The following MYO5C variants were observed in gnomAD, a reference collection of about 807,000 sequenced individuals.
MYO5C encodes unconventional myosin-Vc.
A neutral mutation model predicts 235.7 loss-of-function variants in MYO5C; 194 were observed. The observed-to-expected ratio is 0.82, with a 90% CI of 0.73 to 0.93. The LOEUF is 0.93. MYO5C is among the 40% of genes least tolerant of loss of function. The probability of loss-of-function intolerance (pLI) is 0.00; values close to 1 mark genes in which losing one functional copy is unlikely to be tolerated. For missense variants in MYO5C, 2,038 were observed against 2,127.2 expected, an observed-to-expected ratio of 0.96 and a Z score of 0.82; for synonymous variants, 707 against 754.8, an observed-to-expected ratio of 0.94 and a Z score of 1.04.
intron 38 of MYO5C, among the ~76,000 whole-genome samples, chr15:52,203,387 G>A (rs539279871): frequency 4.0e-5 from 6 of 151,730 alleles, no homozygotes; most frequent in Admixed American, 1.3e-4. Context: ...TTGCTCTGTC[G>A]CCCAGGTTGG....
In MYO5C at chr15:52,279,563, G is replaced by C; in HGVS notation, c.250C>G (p.Leu84Val). Residue 84 changes from leucine to valine, a missense_variant, in exon 3 of 41, where the codon CTC becomes GTC. Coordinates refer to ENST00000261839, the MANE Select transcript of MYO5C (RefSeq NM_018728.4). ...GCAAAGCGGATTCTGAGGTTGTGGA[G>C]CACCGCGGGCTCGTGAAGATAGCTG... ...ALSYLHEPAV[L>V]HNLRIRFAES... 2 of 1,614,100 alleles carry C rather than the reference G, an allele frequency of 1.2e-6. No homozygotes were observed. Among genetic ancestry groups the C allele is most frequent in the Non-Finnish European group, 1.7e-6 (2 of 1,179,938 alleles).
intron 37 of MYO5C, 34 bp from the exon 38 acceptor site, chr15:52,205,181 C>T (rs762148613): frequency 1.9e-6 from 3 of 1,603,908 alleles, no homozygotes; most frequent in Non-Finnish European, 8.5e-7. Context: ...GCTGACACGC[C>T]AGGAGACACA....
chr15:52,193,617 G>A lies in MYO5C; in HGVS notation c.*285C>T. 1 of 359,386 alleles carries A rather than the reference G, an allele frequency of 2.8e-6. No individual in the cohort carries two copies. The highest frequency in any genetic ancestry group is 8.3e-4 in the Middle Eastern group (1 of 1,204). 22.3% of individuals were successfully genotyped at this position (359,386 alleles called of 1,614,324 possible). On this transcript the variant is annotated 3_prime_UTR_variant, in exon 41 of 41. Coordinates refer to ENST00000261839, the MANE Select transcript of MYO5C (RefSeq NM_018728.4). Reference sequence around the variant, plus strand: ...TGCCACAAGACAGAACAGATCAAGAGGCACGTGGAAGAAAATATGAGCCCT... The same window carrying A: ...TGCCACAAGACAGAACAGATCAAGAAGCACGTGGAAGAAAATATGAGCCCT...
chr15:52,198,350 G>T (rs930439922), intron 38 of MYO5C, among the ~76,000 whole-genome samples: 1 of 152,136 alleles, frequency 6.6e-6, no homozygotes, highest in Non-Finnish European at 1.5e-5. Flanking sequence ...AAGAAAATCA[G>T]TCCCAGCTGT....
chr15:52,285,410 TCCTCTCCCTCCTCTCCCTCTCCCTCTC>T (rs759734750), intron 1 of MYO5C, among the ~76,000 whole-genome samples: 17,526 of 102,584 alleles, frequency 0.17, 1,340 homozygotes, highest in African/African-American at 0.26. Context: ...TCCCTCTCCC[TCCTCTCCCTCCTCTCCCTCTCCCTCTC>T]CCTCTCCCTC....
At chr15:52,270,660 A>G (rs1032964265) in intron 7 of MYO5C, among the ~76,000 whole-genome samples, 1 of 150,956 alleles carries the variant, frequency 6.6e-6, no homozygotes, top group South Asian at 2.1e-4. Flanking sequence ...ACACATTTAT[A>G]TATGTATATA....
chr15:52,200,146 C>T (rs2035152738), intron 38 of MYO5C, among the ~76,000 whole-genome samples: 1 of 152,122 alleles, frequency 6.6e-6, no homozygotes, highest in South Asian at 2.1e-4. Flanking sequence ...CCAAAGAGCA[C>T]CACAAAACCC....
Position 52,224,956 on chromosome 15 carries a change from A to C in MYO5C, c.3391T>G (p.Leu1131Val), listed in dbSNP as rs751397552. Residue 1131 changes from leucine (L) to valine (V), a missense_variant, in exon 28 of 41, where the codon TTA (leucine) becomes GTA (valine). By Grantham distance (32) the Leu-to-Val change is conservative (BLOSUM62 1). Transcript: ENST00000261839. ...SRLSVEDLEH[L>V]NEDGELWFAY... ...AACCAAAGTTCTCCATCCTCATTTA[A>C]ATGTTCCAGATCTTCCACAGAGAGC... 2.5e-6 allele frequency: 4 copies of C among 1,613,934 alleles called. No homozygotes were observed. The highest frequency in any genetic ancestry group is 3.4e-6 in the Non-Finnish European group (4 of 1,179,984).
intron 5 of MYO5C, 120 bp from the exon 6 acceptor site, chr15:52,272,843 G>T (rs990689439): frequency 1.6e-5 from 15 of 940,760 alleles, no homozygotes; most frequent in Non-Finnish European, 2.4e-5. Flanking sequence ...ATTGGCAGAG[G>T]GAAGTCTGGG....
chr15:52,205,536 G>A (rs768231728), intron 37 of MYO5C: 3 of 331,046 alleles, frequency 9.1e-6, no homozygotes, highest in African/African-American at 2.1e-5. Flanking sequence ...GCTACGCCAA[G>A]AAGTAGAAGT....
chr15:52,263,661 C>A (rs1021390731), intron 9 of MYO5C, among the ~76,000 whole-genome samples: 1 of 152,190 alleles, frequency 6.6e-6, no homozygotes, highest in African/African-American at 2.4e-5. Flanking sequence ...GTTCTTCCCC[C>A]ATCCACAGGC....
intron 32 of MYO5C, among the ~76,000 whole-genome samples, chr15:52,215,187 T>C (rs1185147445): frequency 3.9e-5 from 6 of 152,190 alleles, no homozygotes. Context: ...GGAGTGCCCA[T>C]CATAGAGAAT....
rs2035820449 is a variant in MYO5C at position 52,226,245 on chromosome 15, C to T, written c.3208-713G>A. Among the ~76,000 whole-genome samples, 5 of 152,162 alleles carry T rather than the reference C, an allele frequency of 3.3e-5. 1 individual carries two copies. ...CCTTCATAACTGTGGGTTTTGGCTT[C>T]AGCTCAGCTTAGATGTGGAGCAGTG... On this transcript the variant is annotated intron_variant, in intron 25 of 40. Transcript: ENST00000261839.
At chr15:52,284,848 T>A (rs972188956) in intron 1 of MYO5C, among the ~76,000 whole-genome samples, 7 of 151,306 alleles carry the variant, frequency 4.6e-5, no homozygotes, top group Non-Finnish European at 7.4e-5. Flanking sequence ...TCTTTTTTTT[T>A]TTTTTTTAAG....
At chr15:52,255,021 AAAGAAACTTCTACT>A (rs1566981359) in intron 11 of MYO5C, among the ~76,000 whole-genome samples, 4 of 151,982 alleles carry the variant, frequency 2.6e-5, no homozygotes, top group African/African-American at 9.7e-5. Context: ...AAAAAAAAAA[AAAGAAACTTCTACT>A]GAGTAGGATT....
intron 30 of MYO5C, among the ~76,000 whole-genome samples, chr15:52,220,378 G>A (rs1313865849): frequency 1.3e-5 from 2 of 152,042 alleles, no homozygotes; most frequent in Non-Finnish European, 2.9e-5. Context: ...TCAGAGACAG[G>A]ATCTCACTCT....
At chr15:52,202,610 A>G (rs1324202087) in intron 38 of MYO5C, among the ~76,000 whole-genome samples, 1 of 152,148 alleles carries the variant, frequency 6.6e-6, no homozygotes, top group Non-Finnish European at 1.5e-5. Context: ...TAGGGCTGAA[A>G]TCTACTACAG....
At chr15:52,234,075 A>G (rs1566972403) in intron 23 of MYO5C, among the ~76,000 whole-genome samples, 1 of 152,232 alleles carries the variant, frequency 6.6e-6, no homozygotes, top group Non-Finnish European at 1.5e-5. Flanking sequence ...TATAACCTCA[A>G]TTTTCAATTA....
intron 10 of MYO5C, among the ~76,000 whole-genome samples, chr15:52,260,045 G>A (rs2036659566): frequency 6.6e-6 from 1 of 152,242 alleles, no homozygotes; most frequent in Non-Finnish European, 1.5e-5. Context: ...CCAGGAGAGG[G>A]GCAAGGGCTG....
Sources: allele counts gnomAD v4.1 joint callset (sites outside exome capture counted in the v4.1 genomes callset), GRCh38; gene constraint gnomAD v4.1.1; transcripts MANE v1.5; gene names NCBI Gene and HGNC (gene_info 2026-07-23, HGNC 2026-07-21).